MIB1: variants seen among roughly 807,000 people sequenced by gnomAD.
The protein encoded by MIB1 is E3 ubiquitin-protein ligase MIB1.
MIB1 carries 278 observed loss-of-function variants against 124.5 expected under a neutral mutation model. The observed-to-expected ratio is 2.23, with a 90% CI of 2.02 to 2.47. The LOEUF (loss-of-function observed/expected upper bound fraction) is 2.47, where lower values mean the gene tolerates loss of function less well. Among genes scored for constraint, MIB1 ranks in the 30% most tolerant of loss-of-function variants. MIB1 has a pLI of 0.00. For synonymous variants in MIB1, 446 were observed against 429.4 expected (o/e 1.04, Z -0.48); for missense variants, 957 against 1,254.4 (o/e 0.76, Z 3.58).
At chr18:21,828,464 T>A (rs1465206170) in intron 12 of MIB1, 2 of 151,974 alleles carry the variant, frequency 1.3e-5, no homozygotes, top group Non-Finnish European at 2.9e-5. Flanking sequence ...AAAGAAAGCC[T>A]TTTTAAAACA....
intron 12 of MIB1, among the ~76,000 whole-genome samples, chr18:21,823,821 A>G (rs2041901151): frequency 6.6e-6 from 1 of 152,212 alleles, no homozygotes; most frequent in Non-Finnish European, 1.5e-5. Context: ...GTTAATATTT[A>G]TAGGCATGTT....
intron 9 of MIB1, among the ~76,000 whole-genome samples, chr18:21,802,433 C>G (rs2041660312): frequency 6.6e-6 from 1 of 151,182 alleles, no homozygotes; most frequent in Non-Finnish European, 1.5e-5. Flanking sequence ...ACTTAATTTT[C>G]CCACCCTTTT....
intron 9 of MIB1, among the ~76,000 whole-genome samples, chr18:21,802,133 G>T (rs1258562885): frequency 1.3e-5 from 2 of 152,084 alleles, no homozygotes; most frequent in African/African-American, 4.8e-5. Context: ...CTATTGAGAA[G>T]ATATAAGCCA....
intron 15 of MIB1, among the ~76,000 whole-genome samples, chr18:21,844,595 A>G (rs905854821): frequency 6.6e-6 from 1 of 151,908 alleles, no homozygotes; most frequent in African/African-American, 2.4e-5. Flanking sequence ...CACCTAGCTA[A>G]TTTTTGTATT....
chr18:21,851,973 A>C (rs2042184203), intron 17 of MIB1, among the ~76,000 whole-genome samples: 1 of 152,238 alleles, frequency 6.6e-6, no homozygotes, highest in African/African-American at 2.4e-5. Flanking sequence ...AATGCAATGG[A>C]AATCATTTTA....
chr18:21,761,857 A>G (rs1324636391), intron 1 of MIB1, among the ~76,000 whole-genome samples: 1 of 152,188 alleles, frequency 6.6e-6, no homozygotes, highest in Non-Finnish European at 1.5e-5. Flanking sequence ...TTTTAAGGAA[A>G]GTCTTTCTAA....
intron 1 of MIB1, among the ~76,000 whole-genome samples, chr18:21,729,133 C>G (rs1456452237): frequency 6.6e-6 from 1 of 152,194 alleles, no homozygotes; most frequent in Non-Finnish European, 1.5e-5. Flanking sequence ...CACTCAATGA[C>G]CTGCTTATAT....
At chr18:21,841,770 AAATGT>A (rs1457715195) in intron 13 of MIB1, among the ~76,000 whole-genome samples, 1 of 152,202 alleles carries the variant, frequency 6.6e-6, no homozygotes, top group Non-Finnish European at 1.5e-5. Flanking sequence ...TACTTGTACT[AAATGT>A]TTGTAGCAGC....
chr18:21,742,297 C>G (rs554916792), intron 1 of MIB1, among the ~76,000 whole-genome samples: 1 of 146,330 alleles, frequency 6.8e-6, no homozygotes, highest in Non-Finnish European at 1.5e-5. Flanking sequence ...TTTTTTTTAA[C>G]CTCCTGTGAC....
intron 1 of MIB1, among the ~76,000 whole-genome samples, chr18:21,742,978 C>A (rs1249989011): frequency 2.6e-5 from 4 of 152,286 alleles, no homozygotes; most frequent in Middle Eastern, 3.4e-3. Context: ...ACAGTTGTCT[C>A]GTTTTATTTC....
intron 1 of MIB1, among the ~76,000 whole-genome samples, chr18:21,764,534 TC>T (rs35598795): frequency 6.6e-6 from 1 of 152,208 alleles, no homozygotes; most frequent in Non-Finnish European, 1.5e-5. Flanking sequence ...TATATTACAT[TC>T]CCCAAAGGGG....
chr18:21,727,849 C>G (rs1354242929), intron 1 of MIB1, among the ~76,000 whole-genome samples: 1 of 152,154 alleles, frequency 6.6e-6, no homozygotes, highest in Admixed American at 6.6e-5. Flanking sequence ...ACGGGTTCTA[C>G]AGCTGCAAGA....
intron 12 of MIB1, 54 bp from the exon 13 acceptor site, chr18:21,838,311 T>C: frequency 7.5e-7 from 1 of 1,332,932 alleles, no homozygotes; most frequent in Non-Finnish European, 1.0e-6. Flanking sequence ...CAAACTTTTC[T>C]TTTGAGTATA....
rs758294009 is a variant in MIB1 at position 21,844,124 on chromosome 18, T to A, written c.2082T>A (p.Ile694=). 6.2e-7 allele frequency: 1 copy of A among 1,614,036 alleles called. No homozygotes were observed. Among genetic ancestry groups the A allele is most frequent in the South Asian group, 1.1e-5 (1 of 91,076 alleles). ...TCCGTGCAGGTGCCAAGCTTGATAT[T>A]CAGGATAAGGATGGGGATACTCCTT... ...LLVRAGAKLD[I]QDKDGDTPLH... The change falls in exon 15 of 21, where the codon ATT becomes ATA. Residue 694 remains isoleucine, a synonymous_variant. Transcript: ENST00000261537.
chr18:21,803,833 C>T, intron 9 of MIB1, 74 bp from the exon 10 acceptor site: 2 of 1,102,564 alleles, frequency 1.8e-6, no homozygotes, highest in Non-Finnish European at 2.7e-6. Context: ...TAGACTTAAA[C>T]CTACACCGTA....
intron 6 of MIB1, among the ~76,000 whole-genome samples, chr18:21,780,469 G>C (rs1275081640): frequency 2.0e-5 from 3 of 152,072 alleles, no homozygotes; most frequent in Non-Finnish European, 4.4e-5. Context: ...CTCCTCATAT[G>C]AGTGAGAACA....
chr18:21,734,537 T>TAG (rs2040787254), intron 1 of MIB1, among the ~76,000 whole-genome samples: 1 of 151,280 alleles, frequency 6.6e-6, no homozygotes, highest in Non-Finnish European at 1.5e-5. Flanking sequence ...CTTTCTCTCT[T>TAG]TCTTTCTTTC....
At chr18:21,776,883 A>G (rs903597389) in intron 4 of MIB1, among the ~76,000 whole-genome samples, 3 of 152,082 alleles carry the variant, frequency 2.0e-5, no homozygotes, top group Admixed American at 6.5e-5. Context: ...AGGCAGAGGC[A>G]GGAGAATTGC....
At chr18:21,781,403 ATATATATATAT>A (rs1568199077) in intron 6 of MIB1, among the ~76,000 whole-genome samples, 29 of 76,734 alleles carry the variant, frequency 3.8e-4, no homozygotes, top group African/African-American at 1.7e-3. Context: ...ATATATATAT[ATATATATATAT>A]AAAATTATTA....
Sources: gnomAD v4.1 joint callset for allele counts (sites outside exome capture counted in the v4.1 genomes callset) on GRCh38, gnomAD v4.1.1 for gene constraint, MANE v1.5 for transcripts, NCBI Gene and HGNC (gene_info 2026-07-23, HGNC 2026-07-21) for gene names.